TNNI3K: variants seen among roughly 807,000 people sequenced by gnomAD.
The protein encoded by TNNI3K is serine/threonine-protein kinase TNNI3K.
Under a neutral mutation model 114.5 loss-of-function variants are expected in TNNI3K, and 140 were observed. That is an observed-to-expected ratio of 1.22 (90% CI 1.07 to 1.41). TNNI3K has a LOEUF of 1.41. TNNI3K is among the 40% of genes most tolerant of loss of function. TNNI3K has a pLI of 0.00. For missense variants in TNNI3K, 1,125 were observed against 1,007.6 expected (o/e 1.12, Z -1.58); for synonymous variants, 347 against 347.5 (o/e 1.00, Z 0.02).
intron 23 of TNNI3K, among the ~76,000 whole-genome samples, chr1:74,530,022 T>C (rs1374667250): frequency 6.6e-6 from 1 of 152,108 alleles, no homozygotes; most frequent in Non-Finnish European, 1.5e-5. Context: ...TGGAGAACAG[T>C]GGTAGGATCA....
intron 5 of TNNI3K, among the ~76,000 whole-genome samples, chr1:74,309,097 G>C (rs1003012764): frequency 1.3e-5 from 2 of 151,942 alleles, no homozygotes; most frequent in African/African-American, 2.4e-5. Context: ...GGCCGGGCGC[G>C]GTGGCTCACG....
At chr1:74,476,632 G>A (rs1380454807) in intron 21 of TNNI3K, among the ~76,000 whole-genome samples, 1 of 152,004 alleles carries the variant, frequency 6.6e-6, no homozygotes, top group Non-Finnish European at 1.5e-5. Flanking sequence ...TGAAATCATT[G>A]GTGATCTAAT....
At chr1:74,364,954 A>G (rs1487687027) in intron 11 of TNNI3K, among the ~76,000 whole-genome samples, 1 of 152,118 alleles carries the variant, frequency 6.6e-6, no homozygotes, top group African/African-American at 2.4e-5. Flanking sequence ...ATAAATTTGT[A>G]TTGCTCAAGT....
chr1:74,541,268 A>G (rs1300039704), intron 24 of TNNI3K, among the ~76,000 whole-genome samples: 1 of 152,164 alleles, frequency 6.6e-6, no homozygotes, highest in Non-Finnish European at 1.5e-5. Flanking sequence ...CTCATTACCT[A>G]AGGCATTAGA....
intron 20 of TNNI3K, among the ~76,000 whole-genome samples, chr1:74,459,958 C>T (rs1667378671): frequency 6.6e-6 from 1 of 152,082 alleles, no homozygotes; most frequent in Non-Finnish European, 1.5e-5. Flanking sequence ...AAGCCACTTA[C>T]CATGACTATT....
rs200279410 is a variant in TNNI3K at position 74,463,432 on chromosome 1, G to T, written c.2012-9G>T. 5.4e-5 allele frequency: 87 copies of T among 1,613,966 alleles called. No homozygotes were observed. The highest frequency in any genetic ancestry group is 2.5e-6 in the Non-Finnish European group (3 of 1,179,992). The stretch of plus-strand genomic sequence containing the variant: ...AATTTCAAAACTGACATGACCATTT[G>T]GTTTGCAGCGGCTGCGGCAGCAGAC... On this transcript the variant is annotated splice_polypyrimidine_tract_variant and intron_variant, in intron 20 of 24. Transcript: ENST00000326637.
intron 17 of TNNI3K, among the ~76,000 whole-genome samples, chr1:74,388,934 C>T (rs1405266283): frequency 1.3e-5 from 2 of 152,218 alleles, no homozygotes; most frequent in African/African-American, 4.8e-5. Flanking sequence ...TGTGCACCAT[C>T]TGTGACATTC....
chr1:74,510,335 T>C (rs2100377197), intron 23 of TNNI3K, among the ~76,000 whole-genome samples: 1 of 152,112 alleles, frequency 6.6e-6, no homozygotes, highest in African/African-American at 2.4e-5. Flanking sequence ...TGAAGCCCCG[T>C]CTCTACTAAA....
intron 5 of TNNI3K, among the ~76,000 whole-genome samples, chr1:74,308,002 C>A (rs931719365): frequency 1.3e-5 from 2 of 151,602 alleles, no homozygotes; most frequent in African/African-American, 2.4e-5. Context: ...AGGACTTCAA[C>A]ATCCAGCCTG....
At chr1:74,479,088 G>T (rs1289213479) in intron 21 of TNNI3K, among the ~76,000 whole-genome samples, 1 of 152,104 alleles carries the variant, frequency 6.6e-6, no homozygotes, top group Admixed American at 6.6e-5. Context: ...ACAGAATAAT[G>T]ATTTATAGCA....
intron 17 of TNNI3K, among the ~76,000 whole-genome samples, chr1:74,407,800 G>T (rs1664689430): frequency 6.6e-6 from 1 of 152,080 alleles, no homozygotes; most frequent in Non-Finnish European, 1.5e-5. Flanking sequence ...AGATGGTCTA[G>T]ATCTTCTACA....
chr1:74,335,909 T>C (rs1176101399), intron 6 of TNNI3K, 102 bp from the exon 7 acceptor site: 2 of 1,304,908 alleles, frequency 1.5e-6, no homozygotes, highest in African/African-American at 1.5e-5. Flanking sequence ...GATATAACAA[T>C]AAATTTTTGT....
chr1:74,317,249 C>G (rs1454207775), intron 5 of TNNI3K, among the ~76,000 whole-genome samples: 1 of 152,182 alleles, frequency 6.6e-6, no homozygotes, highest in African/African-American at 2.4e-5. Flanking sequence ...GAATTGATCA[C>G]TTGGCTTACA....
intron 5 of TNNI3K, among the ~76,000 whole-genome samples, chr1:74,313,192 G>T (rs1659097529): frequency 6.6e-6 from 1 of 152,012 alleles, no homozygotes; most frequent in African/African-American, 2.4e-5. Context: ...TATCTCTTTG[G>T]GGGACTCACT....
At chr1:74,370,950 A>C (rs1662563973) in intron 17 of TNNI3K, 1 of 151,876 alleles carries the variant, frequency 6.6e-6, no homozygotes, top group African/African-American at 2.4e-5. Flanking sequence ...GTCTTATAGG[A>C]AAGGCCAATA....
At chr1:74,414,628 T>C (rs190797813) in intron 17 of TNNI3K, among the ~76,000 whole-genome samples, 69 of 152,340 alleles carry the variant, frequency 4.5e-4, no homozygotes, top group African/African-American at 1.6e-3. Context: ...AGGATCTACG[T>C]TGAAAAATAT....
chr1:74,400,199 A>G (rs907585121), intron 17 of TNNI3K, among the ~76,000 whole-genome samples: 2 of 152,206 alleles, frequency 1.3e-5, no homozygotes, highest in African/African-American at 4.8e-5. Flanking sequence ...TTAGGAATAG[A>G]CATCTGAGGA....
At chr1:74,290,844 T>A (rs1053513815) in intron 5 of TNNI3K, among the ~76,000 whole-genome samples, 6 of 151,774 alleles carry the variant, frequency 4.0e-5, no homozygotes, top group African/African-American at 1.4e-4. Context: ...GACATTTTGG[T>A]GGATATTCTC....
intron 20 of TNNI3K, among the ~76,000 whole-genome samples, chr1:74,446,943 G>A (rs1666720741): frequency 9.2e-6 from 1 of 108,690 alleles, no homozygotes; most frequent in Non-Finnish European, 1.9e-5. Flanking sequence ...GGTTACTGTA[G>A]CCTTGTAGTA....
Sources: gnomAD v4.1 joint callset for allele counts (sites outside exome capture counted in the v4.1 genomes callset) on GRCh38, gnomAD v4.1.1 for gene constraint, MANE v1.5 for transcripts, NCBI Gene and HGNC (gene_info 2026-07-23, HGNC 2026-07-21) for gene names.